SHROOM3: variants seen among roughly 807,000 people sequenced by gnomAD.
The protein encoded by SHROOM3 is shroom family member 3.
In SHROOM3, 47 loss-of-function variants were observed where a neutral mutation model predicts 138.6. The ratio of observed to expected loss-of-function variants is 0.34; its 90% confidence interval spans 0.27 to 0.43. The LOEUF (loss-of-function observed/expected upper bound fraction) is 0.43. SHROOM3 is among the 20% of genes least tolerant of loss of function. The pLI, the probability that SHROOM3 is intolerant of heterozygous loss-of-function variation, is 1.00. For missense variants in SHROOM3, 2,491 were observed against 2,596.5 expected, an observed-to-expected ratio of 0.96 and a Z score of 0.88; for synonymous variants, 1,062 against 1,063.3, an observed-to-expected ratio of 1.00 and a Z score of 0.02.
chr4:76,739,344 A>G lies in SHROOM3; in HGVS notation c.1171A>G (p.Ser391Gly). The change falls in exon 5 of 11, where the codon AGT becomes GGT. Residue 391 changes from serine to glycine, a missense_variant. Physicochemically the swap from Ser to Gly is moderately conservative, Grantham distance 56. Transcript: ENST00000296043. The part of the protein sequence containing the change: ...GAPLPPARSD[S>G]YAAFRHRERP... ...ACCCCTGCCTCCAGCTCGGAGTGACAGTTACGCAGCATTTCGGCACCGTGA... is the reference window on the plus strand; with the variant it reads ...ACCCCTGCCTCCAGCTCGGAGTGACGGTTACGCAGCATTTCGGCACCGTGA... The G allele has an allele frequency of 6.2e-7, 1 of 1,614,000 alleles. No individual in the cohort carries two copies. Among genetic ancestry groups the G allele is most frequent in the East Asian group, 2.2e-5 (1 of 44,876 alleles).
intron 10 of SHROOM3, among the ~76,000 whole-genome samples, chr4:76,775,730 A>G (rs1160619477): frequency 1.3e-5 from 2 of 151,480 alleles, no homozygotes; most frequent in East Asian, 3.9e-4. Context: ...ATATACACAT[A>G]TATACACATA....
rs191192308 is a variant in SHROOM3 at position 76,770,694 on chromosome 4, G to A, written c.5418G>A (p.Thr1806=). ...AGGAGGCGAAGGGGAGCCTGCTCAC[G>A]GACATCAAGCTCAACAACGCCCTGG... ...TLQEAKGSLL[T]DIKLNNALGE... is the part of the protein sequence containing the mutation. Residue 1806 remains threonine (T), a synonymous_variant, in exon 10 of 11, where the codon ACG becomes ACA. Coordinates refer to ENST00000296043, the MANE Select transcript of SHROOM3 (RefSeq NM_020859.4). The A allele has an allele frequency of 1.4e-4, 230 of 1,614,156 alleles. No homozygotes were observed. Among genetic ancestry groups the A allele is most frequent in the Non-Finnish European group, 1.4e-4 (170 of 1,180,018 alleles).
At position 76,654,777 on chromosome 4, in the gene SHROOM3, C is replaced by A. The variant is rs965891905; in HGVS notation, c.324-55379C>A. On this transcript the variant is annotated intron_variant, in intron 2 of 10. Coordinates refer to ENST00000296043, the MANE Select transcript of SHROOM3 (RefSeq NM_020859.4). ...ACAGTTGGGGTGCCACCATCATTGC[C>A]TATCCTATAGGAAATATATAGTGAT... Among the ~76,000 whole-genome samples the A allele has an allele frequency of 2.6e-5, 4 of 152,188 alleles. No homozygotes were observed. In the East Asian group the frequency reaches 7.7e-4, roughly 29 times the overall value.
At chr4:76,604,738 G>A (rs186830009) in intron 2 of SHROOM3, among the ~76,000 whole-genome samples, 200 of 152,272 alleles carry the variant, frequency 1.3e-3, no homozygotes, top group African/African-American at 4.1e-3. Flanking sequence ...GAAATAGCAG[G>A]GATGTTGAAA....
intron 1 of SHROOM3, among the ~76,000 whole-genome samples, chr4:76,544,137 C>T (rs148474652): frequency 3.9e-5 from 6 of 152,082 alleles, no homozygotes; most frequent in African/African-American, 1.2e-4. Flanking sequence ...CACTATAGTA[C>T]GTTCCAGGTA....
At chr4:76,669,693 ATTG>A (rs1718820212) in intron 2 of SHROOM3, among the ~76,000 whole-genome samples, 1 of 152,194 alleles carries the variant, frequency 6.6e-6, no homozygotes, top group Admixed American at 6.5e-5. Context: ...AAAAATAATA[ATTG>A]TTGTGCAAAC....
chr4:76,685,404 A>G (rs1719307752), intron 2 of SHROOM3, among the ~76,000 whole-genome samples: 1 of 152,124 alleles, frequency 6.6e-6, no homozygotes, highest in African/African-American at 2.4e-5. Flanking sequence ...AAAATCCCAT[A>G]ATGTTTTAAG....
At chr4:76,762,022 A>C (rs541358164) in intron 9 of SHROOM3, among the ~76,000 whole-genome samples, 1 of 152,182 alleles carries the variant, frequency 6.6e-6, no homozygotes. Context: ...TGGCCTTGCT[A>C]TCCTCAACAC....
At chr4:76,524,540 A>T (rs1732639441) in intron 1 of SHROOM3, among the ~76,000 whole-genome samples, 1 of 152,212 alleles carries the variant, frequency 6.6e-6, no homozygotes, top group Admixed American at 6.5e-5. Context: ...CGACTCAGGG[A>T]TCAGTATCCT....
rs1165549573 is a variant in SHROOM3 at position 76,741,202 on chromosome 4, G to A, written c.3029G>A (p.Arg1010His). ...GCCGCCCGGAGAGGTGCTCGCCGGCGCCTGACTCCCGAGCAGAAGAAGCGC... is the reference window on the plus strand; with the variant it reads ...GCCGCCCGGAGAGGTGCTCGCCGGCACCTGACTCCCGAGCAGAAGAAGCGC... Reference protein sequence around the residue: ...PPAARRGARRRLTPEQKKRSY... With the variant: ...PPAARRGARRHLTPEQKKRSY... Residue 1010 changes from arginine to histidine, a missense_variant, in exon 5 of 11, where the codon CGC becomes CAC. Arg to His is a conservative substitution (Grantham distance 29, BLOSUM62 0). Transcript: ENST00000296043. This position sits in a 1 kb window ranked among gnomAD's most constrained non-coding sequence, Gnocchi z 6.2. 1.2e-6 allele frequency: 2 copies of A among 1,604,016 alleles called. No individual in the cohort carries two copies. The highest frequency in any genetic ancestry group is 1.7e-6 in the Non-Finnish European group (2 of 1,176,172).
At chr4:76,518,530 T>G (rs5009565) in intron 1 of SHROOM3, among the ~76,000 whole-genome samples, 1 of 93,232 alleles carries the variant, frequency 1.1e-5, no homozygotes, top group South Asian at 4.0e-4. Flanking sequence ...CTTCCTACCT[T>G]CCTTCCTTCC....
intron 1 of SHROOM3, among the ~76,000 whole-genome samples, chr4:76,488,089 T>TA: frequency 6.6e-6 from 1 of 152,342 alleles, no homozygotes. Flanking sequence ...TCTTAGCTTC[T>TA]AGTATTGTGC....
chr4:76,663,723 A>G (rs1349890956), intron 2 of SHROOM3, among the ~76,000 whole-genome samples: 2 of 152,188 alleles, frequency 1.3e-5, no homozygotes, highest in African/African-American at 4.8e-5. Flanking sequence ...AATTTCCAAT[A>G]TTTAAAACTT....
At chr4:76,688,959 A>C (rs1577974688) in intron 2 of SHROOM3, 1 of 701,912 alleles carries the variant, frequency 1.4e-6, no homozygotes, top group Non-Finnish European at 1.7e-6. Flanking sequence ...TTGTAATGCG[A>C]GCTTTTTTTT....
intron 2 of SHROOM3, among the ~76,000 whole-genome samples, chr4:76,652,128 G>C (rs989633992): frequency 7.9e-5 from 12 of 152,256 alleles, no homozygotes; most frequent in African/African-American, 2.6e-4. Context: ...CCATTTCTGT[G>C]CTCATATGTA....
intron 1 of SHROOM3, among the ~76,000 whole-genome samples, chr4:76,511,867 A>G (rs887436029): frequency 1.3e-5 from 2 of 152,130 alleles, no homozygotes; most frequent in Non-Finnish European, 2.9e-5. Context: ...GAGACAGACC[A>G]TGAAGTGAGA....
At chr4:76,719,629 A>G (rs1423968409) in intron 3 of SHROOM3, among the ~76,000 whole-genome samples, 1 of 152,232 alleles carries the variant, frequency 6.6e-6, no homozygotes, top group African/African-American at 2.4e-5. Context: ...GTCATTGCTG[A>G]CAAAGGGGAT....
intron 2 of SHROOM3, among the ~76,000 whole-genome samples, chr4:76,651,405 T>TAA (rs1293686040): frequency 9.2e-4 from 13 of 14,204 alleles, no homozygotes; most frequent in African/African-American, 4.6e-3. Flanking sequence ...CCCATAAATA[T>TAA]ATATATATAT....
intron 1 of SHROOM3, among the ~76,000 whole-genome samples, chr4:76,552,965 ATTAC>A (rs1338674770): frequency 2.0e-5 from 3 of 152,110 alleles, no homozygotes; most frequent in Non-Finnish European, 4.4e-5. Flanking sequence ...AACGTACTAC[ATTAC>A]TTACTTGTTT....
Sources: gnomAD v4.1 joint callset for allele counts (sites outside exome capture counted in the v4.1 genomes callset) on GRCh38, gnomAD v4.1.1 for gene constraint, Gnocchi (gnomAD v3.1) non-coding constraint, MANE v1.5 for transcripts, NCBI Gene and HGNC (gene_info 2026-07-23, HGNC 2026-07-21) for gene names.